Variants in PLXDC2 observed in about 807,000 individuals in gnomAD.
PLXDC2 encodes the protein plexin domain containing 2.
In PLXDC2, 40 loss-of-function variants were observed where a neutral mutation model predicts 68.9. That is an observed-to-expected ratio of 0.58 (90% CI 0.45 to 0.76). The LOEUF (loss-of-function observed/expected upper bound fraction) is 0.76. PLXDC2 is among the 30% of genes least tolerant of loss of function. PLXDC2 has a pLI of 0.00. For missense variants in PLXDC2, 644 were observed against 661.9 expected (o/e 0.97, Z 0.30); for synonymous variants, 243 against 234.2 (o/e 1.04, Z -0.34).
intron 1 of PLXDC2, among the ~76,000 whole-genome samples, chr10:19,905,606 C>T (rs1833145534): frequency 6.6e-6 from 1 of 152,050 alleles, no homozygotes; most frequent in African/African-American, 2.4e-5. Flanking sequence ...ATACTGAGTG[C>T]TTTTTGGATT....
chr10:20,194,075 C>T (rs1055580755), intron 9 of PLXDC2, among the ~76,000 whole-genome samples: 33 of 151,776 alleles, frequency 2.2e-4, no homozygotes, highest in African/African-American at 7.7e-4. Context: ...GAGGGTATAA[C>T]AAGAATTTTA....
chr10:20,019,337 G>A (rs1052627289), intron 2 of PLXDC2, among the ~76,000 whole-genome samples: 7 of 151,714 alleles, frequency 4.6e-5, no homozygotes, highest in African/African-American at 1.5e-4. Context: ...GAAATTACAG[G>A]CAAGGGCAGG....
At chr10:19,879,537 C>G (rs1047088481) in intron 1 of PLXDC2, among the ~76,000 whole-genome samples, 5 of 151,908 alleles carry the variant, frequency 3.3e-5, no homozygotes, top group African/African-American at 1.2e-4. Context: ...CGACAAATAC[C>G]CTTGTTTAGT....
intron 1 of PLXDC2, among the ~76,000 whole-genome samples, chr10:19,878,480 T>A (rs1837674018): frequency 6.6e-6 from 1 of 152,226 alleles, no homozygotes; most frequent in Non-Finnish European, 1.5e-5. Context: ...GTAAATACGA[T>A]CTTGAGTCTA....
At chr10:19,910,750 C>T (rs942426827) in intron 1 of PLXDC2, among the ~76,000 whole-genome samples, 1 of 152,032 alleles carries the variant, frequency 6.6e-6, no homozygotes, top group East Asian at 1.9e-4. Context: ...GTGGCTCACA[C>T]CTGTAATCCC....
intron 1 of PLXDC2, among the ~76,000 whole-genome samples, chr10:19,855,107 A>G (rs1412111988): frequency 6.6e-6 from 1 of 152,212 alleles, no homozygotes; most frequent in Non-Finnish European, 1.5e-5. Flanking sequence ...CAAGCCTAGA[A>G]TTGTGCCTGG....
At chr10:20,279,564 C>A in intron 13 of PLXDC2, 139 bp from the exon 14 acceptor site, 1 of 686,634 alleles carries the variant, frequency 1.5e-6, no homozygotes, top group Non-Finnish European at 2.5e-6. Flanking sequence ...ATTCTTAATT[C>A]TGACTGTAGC....
At chr10:19,841,830 TTC>T (rs955898783) in intron 1 of PLXDC2, among the ~76,000 whole-genome samples, 1 of 152,292 alleles carries the variant, frequency 6.6e-6, no homozygotes, top group Middle Eastern at 3.4e-3. Context: ...ATCTTTTCAT[TTC>T]TGTTTGTATT....
At chr10:20,178,445 C>T (rs937684788) in intron 9 of PLXDC2, among the ~76,000 whole-genome samples, 17 of 152,052 alleles carry the variant, frequency 1.1e-4, no homozygotes, top group Non-Finnish European at 7.4e-5. Context: ...TGACATGGTC[C>T]CTGCCCCCCA....
chr10:20,182,069 A>ATT (rs1554772995), intron 9 of PLXDC2, among the ~76,000 whole-genome samples: 3 of 80,524 alleles, frequency 3.7e-5, no homozygotes, highest in Non-Finnish European at 2.2e-5. Flanking sequence ...GAAACCGGTT[A>ATT]TTTGTGTGTG....
At chr10:19,868,872 A>G (rs1360589140) in intron 1 of PLXDC2, among the ~76,000 whole-genome samples, 1 of 152,238 alleles carries the variant, frequency 6.6e-6, no homozygotes, top group Non-Finnish European at 1.5e-5. Flanking sequence ...AAAACTTTTA[A>G]TGAGAAACTG....
At chr10:20,052,215 A>T (rs114425320) in intron 3 of PLXDC2, among the ~76,000 whole-genome samples, 2,500 of 152,200 alleles carry the variant, frequency 0.016, 66 homozygotes, top group African/African-American at 0.057. Context: ...TATTTTTTAA[A>T]TTCCCTACAT....
rs1390719622 is a variant in PLXDC2 at position 20,277,026 on chromosome 10, A to T, written c.1474-2677A>T. Among the ~76,000 whole-genome samples the T allele has an allele frequency of 4.6e-5, 7 of 152,126 alleles. No individual in the cohort carries two copies. In the East Asian group the frequency reaches 1.4e-3, roughly 30 times the overall value. ...GGGGTTCAAGACCAGCCTGGCCAAG[A>T]TGGTGAAACCCGTCTCTACTAAAAA... On this transcript the variant is annotated intron_variant, in intron 13 of 13. Transcript: ENST00000377252.
intron 1 of PLXDC2, among the ~76,000 whole-genome samples, chr10:19,884,304 T>C (rs1837798228): frequency 6.6e-6 from 1 of 152,178 alleles, no homozygotes; most frequent in African/African-American, 2.4e-5. Flanking sequence ...TTTAAAAAAT[T>C]GCCCAAGAAC....
intron 1 of PLXDC2, among the ~76,000 whole-genome samples, chr10:19,937,564 A>ATATATATATATATATATATT (rs1833746598): frequency 1.2e-4 from 17 of 140,562 alleles, no homozygotes; most frequent in African/African-American, 4.6e-4. Context: ...ATATATATAT[A>ATATATATATATATATATATT]TATATATATA....
At chr10:20,082,043 C>A (rs55715991) in intron 4 of PLXDC2, among the ~76,000 whole-genome samples, 1 of 39,152 alleles carries the variant, frequency 2.6e-5, no homozygotes. Flanking sequence ...GAAACTCCAT[C>A]TGAAAAAAAA....
chr10:20,058,854 A>G lies in PLXDC2; in HGVS notation c.472-9316A>G, dbSNP rs761616215. On this transcript the variant is annotated intron_variant, in intron 3 of 13. Coordinates refer to ENST00000377252, the MANE Select transcript of PLXDC2 (RefSeq NM_032812.9). ...CTGTCAATGGAAAATTTTAGGGCAT[A>G]CAAGTGCTACCAGGTAAAGTGAGAT... Among the ~76,000 whole-genome samples the G allele has an allele frequency of 1.6e-4, 25 of 152,224 alleles. 1 individual carries two copies. The highest frequency in any genetic ancestry group is 3.4e-4 in the Non-Finnish European group (23 of 68,038).
rs11011831 is a variant in PLXDC2 at position 20,153,936 on chromosome 10, A to C, written c.783+6034A>C. Among the ~76,000 whole-genome samples the C allele has an allele frequency of 8.4e-3, 1,277 of 152,274 alleles. 17 individuals are homozygous for C. The highest frequency in any genetic ancestry group is 0.029 in the African/African-American group (1,195 of 41,548). Reference sequence around the variant, plus strand: ...GCCAGTCATTATCATACCATAGCCTAATATATCATATCATAGCATATCAAG... The same window carrying C: ...GCCAGTCATTATCATACCATAGCCTCATATATCATATCATAGCATATCAAG... On this transcript the variant is annotated intron_variant, in intron 6 of 13. Transcript: ENST00000377252.
At chr10:20,246,569 CA>C (rs997382042) in intron 13 of PLXDC2, among the ~76,000 whole-genome samples, 1 of 152,180 alleles carries the variant, frequency 6.6e-6, no homozygotes, top group South Asian at 2.1e-4. Flanking sequence ...AGACTGGTCT[CA>C]AACTCCTGAC....
Sources: allele counts gnomAD v4.1 joint callset (sites outside exome capture counted in the v4.1 genomes callset), GRCh38; gene constraint gnomAD v4.1.1; transcripts MANE v1.5; gene names NCBI Gene and HGNC (gene_info 2026-07-23, HGNC 2026-07-21).